The following PDZD2 variants were observed in gnomAD, a reference collection of about 807,000 sequenced individuals.
PDZD2 encodes PDZ domain containing 2.
A neutral mutation model predicts 220.7 loss-of-function variants in PDZD2; 90 were observed. That is an observed-to-expected ratio of 0.41 (90% CI 0.34 to 0.49). The LOEUF (loss-of-function observed/expected upper bound fraction) is 0.49, where lower values mean the gene tolerates loss of function less well. Ranked by LOEUF, PDZD2 falls within the 20% of genes least tolerant of loss-of-function variation. PDZD2 has a pLI of 0.28. For missense variants in PDZD2, 3,174 were observed against 3,608.5 expected, an observed-to-expected ratio of 0.88 and a Z score of 3.08; for synonymous variants, 1,375 against 1,450.5, an observed-to-expected ratio of 0.95 and a Z score of 1.18.
chr5:32,101,790 CT>C (rs1204350086), intron 24 of PDZD2, among the ~76,000 whole-genome samples: 2 of 152,192 alleles, frequency 1.3e-5, no homozygotes, highest in African/African-American at 2.4e-5. Flanking sequence ...ATATCCATCT[CT>C]TTATCAACTT....
At chr5:31,813,063 A>G (rs1002980322) in intron 2 of PDZD2, among the ~76,000 whole-genome samples, 1 of 152,266 alleles carries the variant, frequency 6.6e-6, no homozygotes, top group African/African-American at 2.4e-5. Flanking sequence ...TACAACCACT[A>G]GCATTAAAGA....
intron 1 of PDZD2, among the ~76,000 whole-genome samples, chr5:31,696,509 G>T (rs1004107794): frequency 3.9e-5 from 6 of 151,978 alleles, no homozygotes; most frequent in African/African-American, 1.4e-4. Flanking sequence ...TCACGCTATT[G>T]CCAGGCTGAT....
chr5:31,760,569 T>C (rs539042115), intron 1 of PDZD2, among the ~76,000 whole-genome samples: 1 of 152,294 alleles, frequency 6.6e-6, no homozygotes, highest in Non-Finnish European at 1.5e-5. Context: ...ATCTTTATGT[T>C]GTCCACTCAT....
intron 1 of PDZD2, among the ~76,000 whole-genome samples, chr5:31,726,981 G>A (rs559818377): frequency 2.6e-5 from 4 of 152,264 alleles, no homozygotes; most frequent in African/African-American, 4.8e-5. Flanking sequence ...AAGGTGAAGC[G>A]GAAGCAGGCA....
Position 31,691,884 on chromosome 5 carries a change from G to A in PDZD2, c.-361+52447G>A, listed in dbSNP as rs940212072. Among the ~76,000 whole-genome samples, 7 of 152,330 alleles carry A rather than the reference G, an allele frequency of 4.6e-5. 2 individuals are homozygous for A. The highest frequency in any genetic ancestry group is 3.9e-4 in the East Asian group (2 of 5,184). On this transcript the variant is annotated intron_variant, in intron 1 of 24. Transcript: ENST00000438447. ...TACAGAGTGCTGATTGGTGTATTTA[G>A]AATCCCTTAGCTAGACATAAAGGTT...
intron 6 of PDZD2, among the ~76,000 whole-genome samples, chr5:32,017,422 A>G (rs564631017): frequency 6.6e-6 from 1 of 151,520 alleles, no homozygotes; most frequent in Non-Finnish European, 1.5e-5. Context: ...CCTGAGTGAC[A>G]GAGCCAGACC....
intron 1 of PDZD2, among the ~76,000 whole-genome samples, chr5:31,759,126 C>T (rs574834492): frequency 1.5e-4 from 23 of 151,442 alleles, no homozygotes; most frequent in Admixed American, 1.4e-3. Context: ...GCCCCCACCT[C>T]CCCTTGCCGT....
At chr5:31,944,575 G>A (rs1057245037) in intron 2 of PDZD2, among the ~76,000 whole-genome samples, 2 of 152,228 alleles carry the variant, frequency 1.3e-5, no homozygotes, top group Non-Finnish European at 1.5e-5. Flanking sequence ...GATGTTCCAG[G>A]AGAGGAAATG....
At chr5:31,938,809 A>C (rs556188501) in intron 2 of PDZD2, among the ~76,000 whole-genome samples, 1 of 152,170 alleles carries the variant, frequency 6.6e-6, no homozygotes. Context: ...GTGCTCCTCT[A>C]CCCAGCACAG....
In PDZD2 at chr5:32,074,444, G is replaced by A. The variant is rs756838611; in HGVS notation, c.3338G>A (p.Gly1113Asp). 15 of 1,613,950 alleles carry A rather than the reference G, an allele frequency of 9.3e-6. No homozygotes were observed. The highest frequency in any genetic ancestry group is 1.2e-5 in the Non-Finnish European group (14 of 1,179,916). The change falls in exon 18 of 25, where the codon GGC (glycine) becomes GAC (aspartate). Residue 1113 changes from glycine to aspartate, a missense_variant. Gly to Asp is a moderately conservative substitution (Grantham distance 94). This residue lies in a region of PDZD2 where 1,861 missense variants were observed against 2,001.0 expected (regional missense o/e 0.93). Coordinates refer to ENST00000438447, the MANE Select transcript of PDZD2 (RefSeq NM_178140.4). ...SPSSPQQKSE[G>D]LGSRHRPVAR... The stretch of plus-strand genomic sequence containing the variant: ...AGTTCCCCCCAGCAGAAAAGTGAAG[G>A]CCTGGGCTCCAGGCACAGACCAGTG...
chr5:31,974,296 T>C (rs1267380371), intron 2 of PDZD2, among the ~76,000 whole-genome samples: 3 of 152,156 alleles, frequency 2.0e-5, no homozygotes, highest in Non-Finnish European at 4.4e-5. Context: ...CAGTGAGTTA[T>C]GCTTGCAGCA....
intron 2 of PDZD2, among the ~76,000 whole-genome samples, chr5:31,854,757 T>TC (rs1330867981): frequency 6.6e-6 from 1 of 152,018 alleles, no homozygotes; most frequent in African/African-American, 2.4e-5. Context: ...CCTGAAATCC[T>TC]CCCCAGGGCG....
chr5:31,720,579 GATA>G (rs1404662273), intron 1 of PDZD2, among the ~76,000 whole-genome samples: 9 of 152,168 alleles, frequency 5.9e-5, no homozygotes, highest in Non-Finnish European at 1.3e-4. Flanking sequence ...AAGACCCAAA[GATA>G]CAGGGGAAAG....
intron 10 of PDZD2, among the ~76,000 whole-genome samples, chr5:32,054,165 C>G (rs1738860613): frequency 6.6e-6 from 1 of 152,048 alleles, no homozygotes; most frequent in Admixed American, 6.6e-5. Flanking sequence ...TTGGTCTGAT[C>G]ATGTTCCTTT....
At chr5:31,907,077 G>A (rs1742724827) in intron 2 of PDZD2, among the ~76,000 whole-genome samples, 1 of 152,208 alleles carries the variant, frequency 6.6e-6, no homozygotes, top group African/African-American at 2.4e-5. Context: ...TATAGTGGAT[G>A]ATTGTTTTGT....
chr5:31,735,717 C>T (rs1222659317), intron 1 of PDZD2, among the ~76,000 whole-genome samples: 1 of 152,074 alleles, frequency 6.6e-6, no homozygotes, highest in Non-Finnish European at 1.5e-5. Context: ...GAGGCCAAGG[C>T]GGGCAGATCA....
intron 3 of PDZD2, among the ~76,000 whole-genome samples, chr5:31,986,196 AAG>A (rs1389826050): frequency 6.6e-6 from 1 of 152,182 alleles, no homozygotes; most frequent in Non-Finnish European, 1.5e-5. Context: ...GTGTAAATGA[AAG>A]AGTGAAAACA....
intron 1 of PDZD2, among the ~76,000 whole-genome samples, chr5:31,767,027 CTT>C (rs3032828): frequency 1.8e-3 from 167 of 94,268 alleles, no homozygotes; most frequent in African/African-American, 6.0e-3. Flanking sequence ...TGCACCCAGC[CTT>C]TTTTTTTTTT....
At chr5:32,018,518 G>T (rs1412907745) in intron 6 of PDZD2, among the ~76,000 whole-genome samples, 1 of 152,210 alleles carries the variant, frequency 6.6e-6, no homozygotes, top group East Asian at 1.9e-4. Context: ...GCACAGACTG[G>T]CTTGCACATC....
Sources: gnomAD v4.1 joint callset for allele counts (sites outside exome capture counted in the v4.1 genomes callset) on GRCh38, gnomAD v4.1.1 for gene constraint, gnomAD v4.1.1 regional missense constraint, MANE v1.5 for transcripts, NCBI Gene and HGNC (gene_info 2026-07-23, HGNC 2026-07-21) for gene names.